The following SLC16A10 variants were observed in gnomAD, a reference collection of about 807,000 sequenced individuals.
SLC16A10 encodes the protein solute carrier family 16 member 10.
In SLC16A10, 27 loss-of-function variants were observed where a neutral mutation model predicts 40.0. The ratio of observed to expected loss-of-function variants is 0.67; its 90% CI spans 0.50 to 0.93. The LOEUF (loss-of-function observed/expected upper bound fraction) is 0.93. SLC16A10 is among the 40% of genes least tolerant of loss of function. The pLI is 0.00. For synonymous variants in SLC16A10, 213 were observed against 249.8 expected, an observed-to-expected ratio of 0.85 and a Z score of 1.39; for missense variants, 529 against 658.2, an observed-to-expected ratio of 0.80 and a Z score of 2.15.
intron 1 of SLC16A10, among the ~76,000 whole-genome samples, chr6:111,161,957 C>A (rs1321528328): frequency 2.0e-5 from 3 of 152,110 alleles, no homozygotes; most frequent in Non-Finnish European, 2.9e-5. Flanking sequence ...ATCACCCATC[C>A]CTTTTGTTTC....
chr6:111,172,940 T>C, intron 2 of SLC16A10, 101 bp downstream of exon 2: 1 of 1,434,530 alleles, frequency 7.0e-7, no homozygotes, highest in South Asian at 1.4e-5. Context: ...ATCCTCCTTT[T>C]CATTTTTTAA....
chr6:111,152,164 G>A (rs1772183896), intron 1 of SLC16A10, among the ~76,000 whole-genome samples: 1 of 152,130 alleles, frequency 6.6e-6, no homozygotes, highest in Non-Finnish European at 1.5e-5. Flanking sequence ...TTTAATTTCT[G>A]AACTCTAAAT....
chr6:111,141,627 A>C (rs1434191874), intron 1 of SLC16A10, among the ~76,000 whole-genome samples: 1 of 152,218 alleles, frequency 6.6e-6, no homozygotes, highest in Non-Finnish European at 1.5e-5. Context: ...ACACCATTGC[A>C]CTCCAGTTTG....
chr6:111,102,207 T>C (rs770612847), intron 1 of SLC16A10, among the ~76,000 whole-genome samples: 2 of 152,180 alleles, frequency 1.3e-5, no homozygotes, highest in Non-Finnish European at 2.9e-5. Flanking sequence ...AGAAGTGAGA[T>C]TACTGGTTCA....
intron 1 of SLC16A10, among the ~76,000 whole-genome samples, chr6:111,146,604 G>T (rs1200585795): frequency 6.6e-6 from 1 of 152,100 alleles, no homozygotes; most frequent in East Asian, 1.9e-4. Context: ...GGCGTGGTGG[G>T]GGGGCGCCTG....
intron 1 of SLC16A10, among the ~76,000 whole-genome samples, chr6:111,137,570 G>A (rs371589174): frequency 5.9e-5 from 9 of 152,266 alleles, no homozygotes; most frequent in African/African-American, 1.4e-4. Context: ...AATCTACCGC[G>A]GACCCTTGGA....
intron 1 of SLC16A10, among the ~76,000 whole-genome samples, chr6:111,122,515 T>TTAAA (rs1771601845): frequency 6.6e-6 from 1 of 152,174 alleles, no homozygotes; most frequent in Non-Finnish European, 1.5e-5. Context: ...CCTGTGCTCT[T>TTAAA]TAAAGTTTCC....
At chr6:111,203,751 T>TAAATAAATAAATAAATAAAA (rs1554261471) in intron 3 of SLC16A10, among the ~76,000 whole-genome samples, 2,824 of 147,600 alleles carry the variant, frequency 0.019, 37 homozygotes, top group East Asian at 0.04. Flanking sequence ...AATAAATAAA[T>TAAATAAATAAATAAATAAAA]AAAATAATGC....
rs181074422 is a variant in SLC16A10, at chr6:111,136,056, G to A, written c.344-36639G>A. 1.3e-3 allele frequency among the ~76,000 whole-genome samples: 198 copies of A among 152,294 alleles called. 2 individuals are homozygous for A. Among genetic ancestry groups the A allele is most frequent in the Admixed American group, 0.012 (188 of 15,296 alleles). ...GGCATAACAGGCATAACAGGTTTCTGCTGAATATGGATTCCCAAGTACGGC... is the reference window on the plus strand; with the variant it reads ...GGCATAACAGGCATAACAGGTTTCTACTGAATATGGATTCCCAAGTACGGC... On this transcript the variant is annotated intron_variant, in intron 1 of 5. Coordinates refer to ENST00000368851, the MANE Select transcript of SLC16A10 (RefSeq NM_018593.5).
intron 1 of SLC16A10, among the ~76,000 whole-genome samples, chr6:111,100,940 CTCTCTCGCTCTT>C (rs1236711279): frequency 2.2e-5 from 3 of 133,788 alleles, no homozygotes; most frequent in African/African-American, 8.6e-5. Context: ...ACTTGGGGTT[CTCTCTCGCTCTT>C]TCTCTCCCTC....
At chr6:111,165,039 G>A (rs73530952) in intron 1 of SLC16A10, among the ~76,000 whole-genome samples, 17,506 of 151,996 alleles carry the variant, frequency 0.12, 1,122 homozygotes, top group Middle Eastern at 0.16. Context: ...CACACATATT[G>A]CACATATATA....
At chr6:111,143,535 G>C (rs1772022015) in intron 1 of SLC16A10, among the ~76,000 whole-genome samples, 1 of 152,098 alleles carries the variant, frequency 6.6e-6, no homozygotes, top group Non-Finnish European at 1.5e-5. Flanking sequence ...ATGGAGCCTT[G>C]CAATGTGGCC....
chr6:111,205,826 C>A (rs1008730484), intron 3 of SLC16A10, among the ~76,000 whole-genome samples: 1 of 152,160 alleles, frequency 6.6e-6, no homozygotes, highest in Admixed American at 6.5e-5. Flanking sequence ...GGACCTTATG[C>A]TTTATTCTGG....
intron 3 of SLC16A10, among the ~76,000 whole-genome samples, chr6:111,181,192 G>A (rs908207685): frequency 1.3e-5 from 2 of 149,960 alleles, no homozygotes; most frequent in African/African-American, 4.9e-5. Context: ...TCCAGCCTGG[G>A]TGACAAGAGC....
chr6:111,216,411 C>CT (rs535225539), intron 4 of SLC16A10, among the ~76,000 whole-genome samples: 93 of 147,236 alleles, frequency 6.3e-4, no homozygotes, highest in African/African-American at 1.1e-3. Flanking sequence ...CTTTTCTTTT[C>CT]TTTTTTTTTT....
At chr6:111,114,557 T>G (rs1480931026) in intron 1 of SLC16A10, among the ~76,000 whole-genome samples, 1 of 152,176 alleles carries the variant, frequency 6.6e-6, no homozygotes, top group Non-Finnish European at 1.5e-5. Context: ...GAAGGTAAAT[T>G]TAATTAAATT....
intron 4 of SLC16A10, among the ~76,000 whole-genome samples, chr6:111,215,131 A>T (rs1292114254): frequency 6.6e-6 from 1 of 152,122 alleles, no homozygotes; most frequent in Non-Finnish European, 1.5e-5. Flanking sequence ...AAAAATAAAA[A>T]AAATAAAAAA....
intron 4 of SLC16A10, 98 bp downstream of exon 4, chr6:111,206,833 CCTTTTT>C: frequency 6.9e-7 from 1 of 1,453,202 alleles, no homozygotes; most frequent in Non-Finnish European, 9.3e-7. Flanking sequence ...TTTTTTCTTT[CCTTTTT>C]CTTTTTGAGA....
intron 1 of SLC16A10, among the ~76,000 whole-genome samples, chr6:111,146,084 A>G (rs1317941412): frequency 1.3e-5 from 2 of 152,238 alleles, no homozygotes; most frequent in Non-Finnish European, 2.9e-5. Flanking sequence ...TGTCCAGAAT[A>G]TATAAAGAAC....
Sources: allele counts gnomAD v4.1 joint callset (sites outside exome capture counted in the v4.1 genomes callset), GRCh38; gene constraint gnomAD v4.1.1; transcripts MANE v1.5; gene names NCBI Gene and HGNC (gene_info 2026-07-23, HGNC 2026-07-21).